SUPT16H: variants seen among roughly 807,000 people sequenced by gnomAD.
The protein encoded by SUPT16H is FACT complex subunit SPT16.
In SUPT16H, 24 loss-of-function variants were observed where a neutral mutation model predicts 136.2. The ratio of observed to expected loss-of-function variants is 0.18; its 90% CI spans 0.13 to 0.25. The LOEUF (loss-of-function observed/expected upper bound fraction) is 0.25. Among genes scored for constraint, SUPT16H ranks in the 10% least tolerant of loss-of-function variants. The probability of loss-of-function intolerance (pLI) is 1.00; values close to 1 mark genes in which losing one functional copy is unlikely to be tolerated. For missense variants in SUPT16H, 623 were observed against 1,270.2 expected, an observed-to-expected ratio of 0.49 and a Z score of 7.74; for synonymous variants, 415 against 428.2, an observed-to-expected ratio of 0.97 and a Z score of 0.38.
intron 1 of SUPT16H, among the ~76,000 whole-genome samples, 175 bp from the exon 2 acceptor site, chr14:21,373,605 T>C (rs1886835219): frequency 6.6e-6 from 1 of 152,218 alleles, no homozygotes; most frequent in South Asian, 2.1e-4. Flanking sequence ...CAGTACTTGC[T>C]AATTGTTGAT....
intron 1 of SUPT16H, among the ~76,000 whole-genome samples, chr14:21,375,804 G>A (rs1313550108): frequency 6.6e-6 from 1 of 152,162 alleles, no homozygotes; most frequent in Non-Finnish European, 1.5e-5. Context: ...TGTTGGCCAG[G>A]CTGGTCTTGA....
At chr14:21,366,334 C>A in intron 8 of SUPT16H, 105 bp downstream of exon 8, 1 of 1,049,824 alleles carries the variant, frequency 9.5e-7, no homozygotes, top group Non-Finnish European at 1.4e-6. Context: ...TTTGCTAGTC[C>A]ATAAATGTTG....
chr14:21,371,891 G>C lies in SUPT16H; in HGVS notation c.313C>G (p.Leu105Val). The change falls in exon 3 of 26, where the codon CTG becomes GTG. Residue 105 changes from leucine to valine, a missense_variant. Around this residue, in one of 7 missense-constraint regions of SUPT16H, gnomAD observed 343 missense variants for 525.7 expected, o/e 0.65. Transcript: ENST00000216297. Reference sequence around the variant, plus strand: ...ATCCTGACCTTTTCTCGTATTAGCAGTGTGATGGCAGGGGCTCCATTAGCA... The same window carrying C: ...ATCCTGACCTTTTCTCGTATTAGCACTGTGATGGCAGGGGCTCCATTAGCA... ...ENANGAPAIT[L>V]LIREKNESNK... 6.2e-7 allele frequency: 1 copy of C among 1,613,996 alleles called. No individual in the cohort carries two copies. Among genetic ancestry groups the C allele is most frequent in the Non-Finnish European group, 8.5e-7 (1 of 1,179,978 alleles).
At position 21,363,413 on chromosome 14, in the gene SUPT16H, T is replaced by C. The variant is rs1035750257; in HGVS notation, c.1299+25A>G. 3.1e-6 allele frequency: 5 copies of C among 1,612,028 alleles called. No homozygotes were observed. The African/African-American group carries it at 4.0e-5, about 13-fold the overall frequency. On this transcript the variant is annotated intron_variant, in intron 11 of 25. Transcript: ENST00000216297. ...ACTTCTTTATATCCTAAACTTCCTA[T>C]ACTACTTATCTATCTTCTTCCTACC...
intron 1 of SUPT16H, among the ~76,000 whole-genome samples, chr14:21,378,699 T>C (rs1222859100): frequency 1.3e-5 from 2 of 152,194 alleles, no homozygotes; most frequent in African/African-American, 4.8e-5. Context: ...TAATAACCGT[T>C]AAAAATTCAC....
chr14:21,368,329 G>C lies in SUPT16H; in HGVS notation c.895C>G (p.Gln299Glu), dbSNP rs1886715303. ...TGGAGCAAAAAGTTATAATTTTCTTGAACTTCTTGAGAAGGATCAACCATC... is the reference window on the plus strand; with the variant it reads ...TGGAGCAAAAAGTTATAATTTTCTTCAACTTCTTGAGAAGGATCAACCATC... ...TLMVDPSQEV[Q>E]ENYNFLLQLQ... Residue 299 changes from glutamine (Q) to glutamate (E), a missense_variant, in exon 7 of 26, where the codon CAA becomes GAA. Gln to Glu is a conservative substitution (Grantham distance 29). Around this residue, in one of 7 missense-constraint regions of SUPT16H, gnomAD observed 343 missense variants for 525.7 expected, o/e 0.65. Transcript: ENST00000216297. 1 of 1,613,896 alleles carries C rather than the reference G, an allele frequency of 6.2e-7. No individual in the cohort carries two copies. Among genetic ancestry groups the C allele is most frequent in the African/African-American group, 1.3e-5 (1 of 74,910 alleles).
intron 1 of SUPT16H, 43 bp downstream of exon 1, chr14:21,383,819 G>A (rs767710604): frequency 6.2e-7 from 1 of 1,609,598 alleles, no homozygotes; most frequent in Non-Finnish European, 8.5e-7. Flanking sequence ...ATTATGGGAT[G>A]GCTAAGGGGG....
chr14:21,362,375 A>C, intron 14 of SUPT16H, 51 bp from the exon 15 acceptor site: 1 of 1,568,548 alleles, frequency 6.4e-7, no homozygotes, highest in Non-Finnish European at 8.7e-7. Flanking sequence ...CCTAGAGATT[A>C]GTAGTTACAG....
Position 21,352,257 on chromosome 14 carries a change from T to C in SUPT16H, c.*416A>G. 5.4e-6 allele frequency: 1 copy of C among 186,696 alleles called. No homozygotes were observed. Among genetic ancestry groups the C allele is most frequent in the South Asian group, 1.1e-4 (1 of 9,196 alleles). The allele number at this position is 186,696 out of a possible 1,614,324, so 11.6% of individuals were successfully genotyped here. A position where few individuals can be genotyped will look rare whatever the true frequency, so the allele number is the denominator to read the frequency against. On this transcript the variant is annotated 3_prime_UTR_variant, in exon 26 of 26. Transcript: ENST00000216297. ...CGGAAGGTCATGGCAGTAGGGTAGGTTGGAGGATTGAATGTGCTGGTCAAG... is the reference window on the plus strand; with the variant it reads ...CGGAAGGTCATGGCAGTAGGGTAGGCTGGAGGATTGAATGTGCTGGTCAAG...
intron 8 of SUPT16H, among the ~76,000 whole-genome samples, chr14:21,365,420 T>C (rs1239781491): frequency 2.0e-5 from 3 of 152,178 alleles, no homozygotes; most frequent in African/African-American, 4.8e-5. Context: ...CCTTCTACCA[T>C]AAAATCAAGT....
intron 8 of SUPT16H, among the ~76,000 whole-genome samples, chr14:21,366,002 T>C (rs1886658699): frequency 1.3e-5 from 2 of 151,948 alleles, no homozygotes; most frequent in South Asian, 2.1e-4. Context: ...TTGGGGGAGC[T>C]GAGATGGGAG....
intron 1 of SUPT16H, chr14:21,383,608 G>C (rs376697884): frequency 4.3e-6 from 3 of 702,792 alleles, no homozygotes; most frequent in Admixed American, 2.0e-5. Flanking sequence ...GACTGCGAGA[G>C]GTGCTGCTAT....
At chr14:21,374,201 TCAA>T (rs1047777121) in intron 1 of SUPT16H, among the ~76,000 whole-genome samples, 3 of 152,180 alleles carry the variant, frequency 2.0e-5, no homozygotes, top group African/African-American at 7.2e-5. Flanking sequence ...AATGAACACT[TCAA>T]CAACATGAAA....
At position 21,383,971 on chromosome 14, in the gene SUPT16H, G is replaced by A. The variant is rs1462315616; in HGVS notation, c.-44C>T. 4 of 1,610,948 alleles carry A rather than the reference G, an allele frequency of 2.5e-6. No homozygotes were observed. Among genetic ancestry groups the A allele is most frequent in the Admixed American group, 1.7e-5 (1 of 60,022 alleles). ...TCCTCGGGTTCCGAGAATCACGCGA[G>A]GTCCCGGCTCAGCCACCCGCTCTCG... On this transcript the variant is annotated 5_prime_UTR_variant, in exon 1 of 26. Transcript: ENST00000216297.
Position 21,369,196 on chromosome 14 carries a change from A to G in SUPT16H, c.782+8T>C, listed in dbSNP as rs766936192. ...AAATGCTATATTATGAAGTCTTCAT[A>G]TACTTACCTCACCACACTGAACTTG... On this transcript the variant is annotated splice_region_variant and intron_variant, in intron 6 of 25. Transcript: ENST00000216297. 5 of 1,612,840 alleles carry G rather than the reference A, an allele frequency of 3.1e-6. No homozygotes were observed. Among genetic ancestry groups the G allele is most frequent in the African/African-American group, 1.3e-5 (1 of 75,008 alleles).
At chr14:21,367,912 G>C (rs1171351023) in intron 7 of SUPT16H, among the ~76,000 whole-genome samples, 1 of 152,078 alleles carries the variant, frequency 6.6e-6, no homozygotes, top group Non-Finnish European at 1.5e-5. Flanking sequence ...TTTTTTGAGA[G>C]AAGGTCTCAA....
intron 1 of SUPT16H, among the ~76,000 whole-genome samples, chr14:21,376,940 G>A (rs1013497273): frequency 6.6e-6 from 1 of 152,112 alleles, no homozygotes; most frequent in East Asian, 1.9e-4. Flanking sequence ...AGGCATGGTA[G>A]TAGGCACCTG....
intron 1 of SUPT16H, among the ~76,000 whole-genome samples, chr14:21,379,095 T>C (rs979518384): frequency 6.6e-6 from 1 of 152,206 alleles, no homozygotes; most frequent in Non-Finnish European, 1.5e-5. Flanking sequence ...GACTTCTATA[T>C]GCCAGGCACT....
At chr14:21,381,750 T>C (rs1297275974) in intron 1 of SUPT16H, among the ~76,000 whole-genome samples, 4 of 151,350 alleles carry the variant, frequency 2.6e-5, no homozygotes, top group South Asian at 4.2e-4. Flanking sequence ...GCTAGGACTA[T>C]AGGCACACAC....
Sources: allele counts gnomAD v4.1 joint callset (sites outside exome capture counted in the v4.1 genomes callset), GRCh38; gene constraint gnomAD v4.1.1; regional missense constraint gnomAD v4.1.1; transcripts MANE v1.5; gene names NCBI Gene and HGNC (gene_info 2026-07-23, HGNC 2026-07-21).